Variants in ARHGEF7 observed in about 807,000 individuals in gnomAD.
ARHGEF7 encodes PAK-interacting exchange factor beta.
A neutral mutation model predicts 109.8 loss-of-function variants in ARHGEF7; 33 were observed. The ratio of observed to expected loss-of-function variants is 0.30; its 90% CI spans 0.23 to 0.40. ARHGEF7 has a LOEUF of 0.40. ARHGEF7 is among the 10% of genes least tolerant of loss of function. The pLI, the probability that ARHGEF7 is intolerant of heterozygous loss-of-function variation, is 1.00. For missense variants in ARHGEF7, 938 were observed against 1,098.5 expected, an observed-to-expected ratio of 0.85 and a Z score of 2.07; for synonymous variants, 458 against 424.6, an observed-to-expected ratio of 1.08 and a Z score of -0.97.
chr13:111,155,850 TGGATCACATGA>T (rs1451859208), intron 2 of ARHGEF7, among the ~76,000 whole-genome samples: 1 of 151,792 alleles, frequency 6.6e-6, no homozygotes, highest in Admixed American at 6.6e-5. Flanking sequence ...CCGAGGCGGG[TGGATCACATGA>T]GGTCGGGAGT....
At chr13:111,178,272 CA>C (rs1421943073) in intron 2 of ARHGEF7, among the ~76,000 whole-genome samples, 1 of 152,118 alleles carries the variant, frequency 6.6e-6, no homozygotes, top group African/African-American at 2.4e-5. Context: ...AACAGGTTCC[CA>C]GTGAGTAATT....
chr13:111,205,601 G>T (rs2081730993), intron 3 of ARHGEF7, among the ~76,000 whole-genome samples: 1 of 152,158 alleles, frequency 6.6e-6, no homozygotes, highest in African/African-American at 2.4e-5. Flanking sequence ...TTCTGTGGGT[G>T]GAGAGATTTC....
In ARHGEF7 at chr13:111,147,789, C is replaced by T. The variant is rs920271137; in HGVS notation, c.166-6116C>T. Among the ~76,000 whole-genome samples, 7 of 150,312 alleles carry T rather than the reference C, an allele frequency of 4.7e-5. 2 individuals are homozygous for T. The highest frequency in any genetic ancestry group is 4.6e-4 in the Admixed American group (7 of 15,126). On this transcript the variant is annotated intron_variant, in intron 1 of 21. Transcript: ENST00000646102. ...CTCGGCTCACTGCAAGCTCCGCCTC[C>T]CGGGTTCACGCCATTCTCCTGCCTC...
intron 2 of ARHGEF7, among the ~76,000 whole-genome samples, chr13:111,179,174 G>A (rs2078483192): frequency 6.6e-6 from 1 of 151,906 alleles, no homozygotes; most frequent in Admixed American, 6.6e-5. Flanking sequence ...TGCCTCCCGG[G>A]TTCAAGCGAT....
chr13:111,229,664 G>A (rs1367781136), intron 5 of ARHGEF7, among the ~76,000 whole-genome samples: 1 of 152,124 alleles, frequency 6.6e-6, no homozygotes, highest in Non-Finnish European at 1.5e-5. Flanking sequence ...CTGTTTAATG[G>A]TGGGCTTATT....
At chr13:111,262,302 A>T (rs755432482) in intron 8 of ARHGEF7, among the ~76,000 whole-genome samples, 4 of 152,234 alleles carry the variant, frequency 2.6e-5, no homozygotes, top group Admixed American at 6.5e-5. Context: ...GGCTACTGTG[A>T]ACAACTGTAT....
At chr13:111,238,723 G>T (rs1385310409) in intron 6 of ARHGEF7, among the ~76,000 whole-genome samples, 1 of 152,024 alleles carries the variant, frequency 6.6e-6, no homozygotes, top group Middle Eastern at 3.2e-3. Flanking sequence ...TGATGGTCTG[G>T]AGTTGCCTCT....
At chr13:111,150,114 C>T (rs1400499288) in intron 1 of ARHGEF7, among the ~76,000 whole-genome samples, 1 of 152,220 alleles carries the variant, frequency 6.6e-6, no homozygotes, top group Non-Finnish European at 1.5e-5. Context: ...GTGTTGGCAA[C>T]TGTCTCTCAA....
intron 2 of ARHGEF7, among the ~76,000 whole-genome samples, chr13:111,173,476 A>G (rs1732162504): frequency 6.6e-6 from 1 of 152,108 alleles, no homozygotes; most frequent in Non-Finnish European, 1.5e-5. Context: ...CTTCGTACCT[A>G]CTTTGTGGCA....
intron 2 of ARHGEF7, among the ~76,000 whole-genome samples, chr13:111,165,447 C>T (rs1463098712): frequency 1.3e-5 from 2 of 152,344 alleles, no homozygotes; most frequent in East Asian, 3.9e-4. Context: ...GCACTTAACA[C>T]GTGCAGTAAA....
At chr13:111,292,832 C>G in intron 19 of ARHGEF7, 1 of 992,334 alleles carries the variant, frequency 1.0e-6, no homozygotes, top group Non-Finnish European at 1.2e-6. Context: ...GCTGTGAGCC[C>G]AGTTCCAACG....
chr13:111,165,279 C>G (rs911096493), intron 2 of ARHGEF7, among the ~76,000 whole-genome samples: 2 of 152,192 alleles, frequency 1.3e-5, no homozygotes, highest in Admixed American at 1.3e-4. Flanking sequence ...ATTCCTCTCC[C>G]TTTTTGGCCC....
In ARHGEF7 at chr13:111,304,048, AT is replaced by A. The variant is rs1267040664; in HGVS notation, c.*936del. 6.6e-6 allele frequency: 1 copy of A among 152,228 alleles called. No homozygotes were observed. Among genetic ancestry groups the A allele is most frequent in the African/African-American group, 2.4e-5 (1 of 41,456 alleles). The allele number at this position is 152,228 out of a possible 1,614,324, so 9.4% of individuals were successfully genotyped here. On this transcript the variant is annotated 3_prime_UTR_variant, in exon 22 of 22. Transcript: ENST00000646102. Reference sequence around the variant, plus strand: ...CAGATGGAGGCCATGCTGCAGGCTGATACTGATGGGTGGAGTTTTGTCATCA... The same window carrying A: ...CAGATGGAGGCCATGCTGCAGGCTGAACTGATGGGTGGAGTTTTGTCATCA...
chr13:111,143,560 G>A (rs2075447667), intron 1 of ARHGEF7: 1 of 152,166 alleles, frequency 6.6e-6, no homozygotes, highest in Admixed American at 6.5e-5. Context: ...TTTCCATTAG[G>A]TCACAAGCAT....
At chr13:111,151,703 T>C (rs1420718137) in intron 1 of ARHGEF7, among the ~76,000 whole-genome samples, 3 of 152,208 alleles carry the variant, frequency 2.0e-5, no homozygotes, top group Non-Finnish European at 4.4e-5. Context: ...ATCTAACACA[T>C]GTATTTTCTC....
At position 111,217,729 on chromosome 13, in the gene ARHGEF7, C is replaced by T; in HGVS notation, c.519C>T (p.Asn173=). The part of the protein sequence containing the change: ...NNQLVVRAKF[N]FQQTNEDELS... The stretch of plus-strand genomic sequence containing the variant: ...AACTGGTAGTAAGAGCAAAGTTTAA[C>T]TTCCAGCAGACCAATGAGGACGAGC... The change falls in exon 5 of 22, where the codon AAC becomes AAT. Residue 173 remains asparagine, a synonymous_variant. Coordinates refer to ENST00000646102, the MANE Select transcript of ARHGEF7 (RefSeq NM_001354046.2). The T allele has an allele frequency of 6.2e-7, 1 of 1,614,244 alleles. No homozygotes were observed. The highest frequency in any genetic ancestry group is 8.5e-7 in the Non-Finnish European group (1 of 1,180,044).
At chr13:111,157,083 A>G (rs908251627) in intron 2 of ARHGEF7, among the ~76,000 whole-genome samples, 4 of 152,188 alleles carry the variant, frequency 2.6e-5, no homozygotes, top group African/African-American at 9.6e-5. Flanking sequence ...TTATCCCCCA[A>G]TTGTTTTGAT....
intron 2 of ARHGEF7, among the ~76,000 whole-genome samples, chr13:111,182,886 G>T (rs1250664355): frequency 6.6e-6 from 1 of 152,192 alleles, no homozygotes; most frequent in African/African-American, 2.4e-5. Flanking sequence ...TCAGTATTCA[G>T]TACGTCACAT....
chr13:111,162,397 T>C (rs2076815592), intron 2 of ARHGEF7, among the ~76,000 whole-genome samples: 1 of 152,202 alleles, frequency 6.6e-6, no homozygotes, highest in African/African-American at 2.4e-5. Context: ...TTGAAAACCC[T>C]AGAAATTTGC....
Sources: allele counts gnomAD v4.1 joint callset (sites outside exome capture counted in the v4.1 genomes callset), GRCh38; gene constraint gnomAD v4.1.1; transcripts MANE v1.5; gene names NCBI Gene and HGNC (gene_info 2026-07-23, HGNC 2026-07-21).